Variants in LITAF observed in about 807,000 individuals in gnomAD.
The protein encoded by LITAF is lipopolysaccharide induced TNF factor.
A neutral mutation model predicts 14.5 loss-of-function variants in LITAF; 9 were observed. The ratio of observed to expected loss-of-function variants is 0.62; its 90% confidence interval spans 0.37 to 1.08. The LOEUF (loss-of-function observed/expected upper bound fraction) is 1.08, where lower values mean the gene tolerates loss of function less well. Among genes scored for constraint, LITAF ranks in the 50% least tolerant of loss-of-function variants. The pLI is 0.01. For missense variants in LITAF, 206 were observed against 213.4 expected (o/e 0.97, Z 0.22); for synonymous variants, 98 against 88.2 (o/e 1.11, Z -0.62).
At chr16:11,606,104 C>T (rs889310349) in intron 3 of LITAF, among the ~76,000 whole-genome samples, 6 of 152,194 alleles carry the variant, frequency 3.9e-5, no homozygotes, top group African/African-American at 1.2e-4. Context: ...ACCCTACTCA[C>T]CATCTGGTCT....
At chr16:11,554,237 CAAATAAAT>C (rs112526706) in intron 2 of LITAF, among the ~76,000 whole-genome samples, 2,115 of 151,904 alleles carry the variant, frequency 0.014, 44 homozygotes, top group African/African-American at 0.048. Context: ...GTCCCAAAAA[CAAATAAAT>C]AAATTTTAAC....
chr16:11,596,867 C>A (rs939138960), intron 1 of LITAF, among the ~76,000 whole-genome samples: 3 of 151,720 alleles, frequency 2.0e-5, no homozygotes, highest in African/African-American at 7.3e-5. Flanking sequence ...GATGGGCACA[C>A]AAGCTGAGTA....
chr16:11,569,654 A>T (rs993564640), intron 1 of LITAF, among the ~76,000 whole-genome samples: 1 of 152,308 alleles, frequency 6.6e-6, no homozygotes, highest in Non-Finnish European at 1.5e-5. Context: ...CTGAACACCC[A>T]ACTGTTACTC....
intron 1 of LITAF, among the ~76,000 whole-genome samples, chr16:11,584,832 C>T (rs561862015): frequency 1.9e-4 from 29 of 152,204 alleles, no homozygotes; most frequent in Admixed American, 1.5e-3. Flanking sequence ...CTCAACAGCC[C>T]GCCCATAAAA....
At chr16:11,604,172 G>A (rs2064942757) in intron 3 of LITAF, among the ~76,000 whole-genome samples, 1 of 151,898 alleles carries the variant, frequency 6.6e-6, no homozygotes, top group South Asian at 2.1e-4. Context: ...GGGGTAGGTG[G>A]TGATGTGAAA....
intron 3 of LITAF, among the ~76,000 whole-genome samples, chr16:11,612,585 C>T (rs2064988925): frequency 6.6e-6 from 1 of 152,202 alleles, no homozygotes; most frequent in African/African-American, 2.4e-5. Flanking sequence ...AGGACGCTCA[C>T]GTGCACAGAG....
chr16:11,628,084 A>G (rs184996412), intron 3 of LITAF, among the ~76,000 whole-genome samples: 19 of 151,850 alleles, frequency 1.3e-4, no homozygotes, highest in East Asian at 3.9e-4. Context: ...CCTGCAGAAC[A>G]CAAAGACACA....
Position 11,553,548 on chromosome 16 carries a change from C to A in LITAF, c.362G>T (p.Ser121Ile), listed in dbSNP as rs1250826052. ...AGALTWLSCGSLCLLGCIAGC... is the reference protein window; with the variant it reads ...AGALTWLSCGILCLLGCIAGC... ...GCAGACTCACCCCAGCAGGCACAGGCTCCCGCAGGACAGCCAGGTCAGAGC... is the reference window on the plus strand; with the variant it reads ...GCAGACTCACCCCAGCAGGCACAGGATCCCGCAGGACAGCCAGGTCAGAGC... Residue 121 changes from serine to isoleucine, a missense_variant, in exon 3 of 4, where the codon AGC (serine) becomes ATC (isoleucine). Ser to Ile is a moderately radical substitution (Grantham distance 142). Coordinates refer to ENST00000622633, the MANE Select transcript of LITAF (RefSeq NM_001136472.2). The surrounding 1 kb of genome is among the most constrained non-coding windows in gnomAD (Gnocchi z 7.7). The A allele has an allele frequency of 2.5e-6, 4 of 1,614,126 alleles. No individual in the cohort carries two copies. The highest frequency in any genetic ancestry group is 3.4e-6 in the Non-Finnish European group (4 of 1,180,010).
intron 3 of LITAF, among the ~76,000 whole-genome samples, chr16:11,604,056 G>A (rs1487399934): frequency 2.6e-5 from 4 of 152,090 alleles, no homozygotes; most frequent in African/African-American, 7.2e-5. Context: ...GAGGCTGGGC[G>A]TGGTGACTCA....
intron 3 of LITAF, among the ~76,000 whole-genome samples, chr16:11,630,005 C>T (rs1182221105): frequency 6.6e-6 from 1 of 152,178 alleles, no homozygotes; most frequent in African/African-American, 2.4e-5. Context: ...AGTTCGGGTG[C>T]CTTCCTGGAC....
In LITAF at chr16:11,614,607, G is replaced by T. The variant is rs773565486; in HGVS notation, c.85+18926C>A. Among the ~76,000 whole-genome samples the T allele has an allele frequency of 7.2e-3, 1,083 of 149,454 alleles. 8 individuals are homozygous for T. Among genetic ancestry groups the T allele is most frequent in the Non-Finnish European group, 0.013 (878 of 66,988 alleles). ...GAGCCACTGTGCCCAGGCTTTTTCT[G>T]GTTTTTTTTTAAGATGGGGTCTTAC... On this transcript the variant is annotated intron_variant, in intron 3 of 3. Coordinates refer to the LITAF transcript ENST00000574848.
At position 11,553,070 on chromosome 16, in the gene LITAF, G is replaced by A. The variant is rs570019902; in HGVS notation, c.377+463C>T. 4.6e-5 allele frequency among the ~76,000 whole-genome samples: 7 copies of A among 152,152 alleles called. No individual in the cohort carries two copies. The highest frequency in any genetic ancestry group is 3.9e-4 in the East Asian group (2 of 5,164). The stretch of plus-strand genomic sequence containing the variant: ...GCGGAGGTTGCAGTGAGCCGGGATC[G>A]TGCTACTGCACTCCAGCCTGGGCAA... On this transcript the variant is annotated intron_variant, in intron 3 of 3. Coordinates refer to ENST00000622633, the MANE Select transcript of LITAF (RefSeq NM_001136472.2). The surrounding 1 kb of genome is among the most constrained non-coding windows in gnomAD (Gnocchi z 7.7).
chr16:11,633,440 G>A (rs1256578132), intron 3 of LITAF: 2 of 152,216 alleles, frequency 1.3e-5, no homozygotes, highest in African/African-American at 4.8e-5. Context: ...GGCATTCTAA[G>A]TCACGGGATG....
chr16:11,565,139 G>C (rs2064431195), intron 1 of LITAF, among the ~76,000 whole-genome samples: 1 of 150,790 alleles, frequency 6.6e-6, no homozygotes. Context: ...CTGGAGTACA[G>C]TGGCACAATC....
intron 2 of LITAF, among the ~76,000 whole-genome samples, chr16:11,555,309 G>A (rs183505519): frequency 1.8e-3 from 276 of 152,228 alleles, no homozygotes; most frequent in African/African-American, 6.4e-3. Context: ...GATTACAGGC[G>A]CAAGCCACCA....
At chr16:11,625,132 GT>G (rs1468507792) in intron 3 of LITAF, among the ~76,000 whole-genome samples, 2 of 152,140 alleles carry the variant, frequency 1.3e-5, no homozygotes, top group Non-Finnish European at 2.9e-5. Context: ...TGTGGTTCTG[GT>G]TAGAGATGAC....
intron 3 of LITAF, among the ~76,000 whole-genome samples, chr16:11,611,320 G>T (rs1314857092): frequency 2.0e-5 from 3 of 152,146 alleles, no homozygotes; most frequent in Non-Finnish European, 4.4e-5. Flanking sequence ...TCCAGCCTGG[G>T]CAACAGAACG....
chr16:11,593,171 A>AAAAT (rs1293331786), intron 1 of LITAF, among the ~76,000 whole-genome samples: 1 of 151,650 alleles, frequency 6.6e-6, no homozygotes, highest in East Asian at 1.9e-4. Context: ...ACTCTGTCTC[A>AAAAT]AAATAAATAA....
chr16:11,603,376 C>CA (rs2064938427), upstream of LITAF, among the ~76,000 whole-genome samples: 1 of 152,164 alleles, frequency 6.6e-6, no homozygotes, highest in Admixed American at 6.5e-5. Flanking sequence ...TGAAAAAGAC[C>CA]AAATCCCTGC....
Sources: gnomAD v4.1 joint callset for allele counts (sites outside exome capture counted in the v4.1 genomes callset) on GRCh38, gnomAD v4.1.1 for gene constraint, Gnocchi (gnomAD v3.1) non-coding constraint, MANE v1.5 for transcripts, NCBI Gene and HGNC (gene_info 2026-07-23, HGNC 2026-07-21) for gene names.